TOR1AIP1: variants seen among roughly 807,000 people sequenced by gnomAD.
The protein encoded by TOR1AIP1 is torsin-1A-interacting protein 1.
A neutral mutation model predicts 63.3 loss-of-function variants in TOR1AIP1; 54 were observed. The ratio of observed to expected loss-of-function variants is 0.85; its 90% CI spans 0.69 to 1.07. The LOEUF (loss-of-function observed/expected upper bound fraction) is 1.07, where lower values mean the gene tolerates loss of function less well. Ranked by LOEUF, TOR1AIP1 falls within the 50% of genes least tolerant of loss-of-function variation. The pLI, the probability that TOR1AIP1 is intolerant of heterozygous loss-of-function variation, is 0.00. For synonymous variants in TOR1AIP1, 294 were observed against 273.5 expected (o/e 1.07, Z -0.74); for missense variants, 736 against 715.0 (o/e 1.03, Z -0.33).
In TOR1AIP1 at chr1:179,917,456, G is replaced by T; in HGVS notation, c.969G>T (p.Val323=). The change falls in exon 10 of 10, where the codon GTG becomes GTT. Residue 323 remains valine (V), a synonymous_variant. Coordinates refer to ENST00000606911, the MANE Select transcript of TOR1AIP1 (RefSeq NM_015602.4). ...NQSPSTSSRQ[V]TGQPQNASFV... The stretch of plus-strand genomic sequence containing the variant: ...ATTTCTTTTTTGTCTGAGTAGAAGT[G>T]ACTGGACAACCCCAAAATGCATCTT... The T allele has an allele frequency of 1.9e-6, 3 of 1,610,702 alleles. No individual in the cohort carries two copies. In the South Asian group the frequency reaches 3.3e-5, roughly 18 times the overall value.
In TOR1AIP1 at chr1:179,882,595, G is replaced by A. The variant is rs1261011479; in HGVS notation, c.93G>A (p.Arg31=). The A allele has an allele frequency of 5.2e-6, 8 of 1,525,718 alleles. No homozygotes were observed. Among genetic ancestry groups the A allele is most frequent in the South Asian group, 2.6e-5 (2 of 76,188 alleles). The allele number at this position is 1,525,718 out of a possible 1,614,324, so 94.5% of individuals were successfully genotyped here. The change falls in exon 1 of 10, where the codon CGG becomes CGA. Residue 31 remains arginine (R), a synonymous_variant. Transcript: ENST00000606911. The part of the protein sequence containing the change: ...PRAPIREGRG[R]LAPQNGGSSD... ...CCCCCATCCGAGAGGGAAGGGGCCG[G>A]CTCGCCCCTCAAAATGGCGGCAGCA...
At chr1:179,908,917 G>A (rs1014548803) in intron 8 of TOR1AIP1, among the ~76,000 whole-genome samples, 16 of 152,152 alleles carry the variant, frequency 1.1e-4, no homozygotes, top group African/African-American at 3.6e-4. Flanking sequence ...TGTAATCCCA[G>A]CACTTTGGGA....
Position 179,918,630 on chromosome 1 carries a change from C to T in TOR1AIP1, c.*391C>T, listed in dbSNP as rs1409026883. On this transcript the variant is annotated 3_prime_UTR_variant, in exon 10 of 10. Transcript: ENST00000606911. ...TTCCTGAGTTATTAGTAAGATTGCT[C>T]CCTAAATGTAACCAGGGATTTTCCC... The T allele has an allele frequency of 1.8e-5, 3 of 170,268 alleles. No individual in the cohort carries two copies. The highest frequency in any genetic ancestry group is 3.8e-5 in the Non-Finnish European group (3 of 79,196). The allele number at this position is 170,268 out of a possible 1,614,324, so 10.5% of individuals were successfully genotyped here. A position where few individuals can be genotyped will look rare whatever the true frequency, so the allele number is the denominator to read the frequency against.
Position 179,900,009 on chromosome 1 carries a change from G to A in TOR1AIP1, c.611-117G>A, listed in dbSNP as rs539529164. 1.9e-5 allele frequency: 13 copies of A among 692,812 alleles called. No individual in the cohort carries two copies. In the East Asian group the frequency reaches 2.9e-4, roughly 16 times the overall value. The allele number at this position is 692,812 out of a possible 1,614,324, so 42.9% of individuals were successfully genotyped here. ...TGTCCTCATGTTCATTTTCCTAAAC[G>A]AGATGCTCTTTTATTTATTCCTAAG... On this transcript the variant is annotated intron_variant, in intron 3 of 9. Transcript: ENST00000606911.
chr1:179,893,712 A>G (rs1648178450), intron 3 of TOR1AIP1, among the ~76,000 whole-genome samples: 1 of 151,754 alleles, frequency 6.6e-6, no homozygotes, highest in Admixed American at 6.6e-5. Context: ...AAGTGCTGGG[A>G]TTTACAGGCA....
intron 9 of TOR1AIP1, 25 bp downstream of exon 9, chr1:179,914,079 T>G: frequency 6.2e-7 from 1 of 1,602,726 alleles, no homozygotes; most frequent in East Asian, 2.2e-5. Context: ...TCAGTTTTTA[T>G]TAAATATTTC....
intron 9 of TOR1AIP1, among the ~76,000 whole-genome samples, chr1:179,914,725 C>T (rs1000671558): frequency 6.6e-6 from 1 of 150,402 alleles, no homozygotes; most frequent in South Asian, 2.1e-4. Context: ...ACCCAGGAAG[C>T]GGAGGTTGCA....
At chr1:179,891,270 G>A (rs761290490) in intron 3 of TOR1AIP1, among the ~76,000 whole-genome samples, 1 of 152,164 alleles carries the variant, frequency 6.6e-6, no homozygotes, top group Non-Finnish European at 1.5e-5. Flanking sequence ...CACCCAGGCT[G>A]TAGTACCGTG....
At chr1:179,907,021 G>A (rs1343580191) in intron 6 of TOR1AIP1, among the ~76,000 whole-genome samples, 1 of 151,652 alleles carries the variant, frequency 6.6e-6, no homozygotes, top group East Asian at 2.0e-4. Context: ...ACAGGCATGA[G>A]CCACCGCATC....
intron 3 of TOR1AIP1, among the ~76,000 whole-genome samples, chr1:179,897,694 T>C (rs1171892641): frequency 2.6e-5 from 4 of 152,172 alleles, no homozygotes. Context: ...CACTGAAATA[T>C]AAATGGGACC....
At chr1:179,908,120 G>C (rs1477637489) in intron 7 of TOR1AIP1, among the ~76,000 whole-genome samples, 1 of 151,854 alleles carries the variant, frequency 6.6e-6, no homozygotes, top group Non-Finnish European at 1.5e-5. Context: ...GTGTTAGCCA[G>C]GATGGTCTTG....
intron 8 of TOR1AIP1, among the ~76,000 whole-genome samples, chr1:179,910,883 A>G (rs1047796782): frequency 2.0e-5 from 3 of 152,218 alleles, no homozygotes; most frequent in Admixed American, 6.5e-5. Flanking sequence ...TTCCTCTAAT[A>G]AGACACTGCA....
chr1:179,891,626 C>T (rs1161456102), intron 3 of TOR1AIP1, among the ~76,000 whole-genome samples: 10 of 150,574 alleles, frequency 6.6e-5, no homozygotes, highest in South Asian at 2.1e-4. Context: ...AGTGCAATGG[C>T]GTGATCTTGG....
At position 179,883,021 on chromosome 1, in the gene TOR1AIP1, C is replaced by T. The variant is rs777588969; in HGVS notation, c.475+44C>T. On this transcript the variant is annotated intron_variant, in intron 1 of 9. Coordinates refer to ENST00000606911, the MANE Select transcript of TOR1AIP1 (RefSeq NM_015602.4). ...ACAGTCCCAGCCGCGAGCCAGGGAA[C>T]GCGCGGGGGCGGGCGCGCGCCTCGG... 4.3e-5 allele frequency: 67 copies of T among 1,558,232 alleles called. No individual in the cohort carries two copies. In the African/African-American group the frequency reaches 6.9e-4, roughly 16 times the overall value.
chr1:179,914,792 C>CA (rs568810002), intron 9 of TOR1AIP1, among the ~76,000 whole-genome samples: 918 of 72,108 alleles, frequency 0.013, 6 homozygotes, highest in South Asian at 0.039. Context: ...GACTCTGTCT[C>CA]AAAAAAAAAA....
intron 6 of TOR1AIP1, among the ~76,000 whole-genome samples, chr1:179,905,758 G>A (rs1648612619): frequency 1.3e-5 from 2 of 151,930 alleles, no homozygotes; most frequent in South Asian, 4.2e-4. Flanking sequence ...TTTGAGACCA[G>A]CCTGGCCAAC....
At chr1:179,904,440 C>T (rs1333953328) in intron 6 of TOR1AIP1, among the ~76,000 whole-genome samples, 2 of 152,028 alleles carry the variant, frequency 1.3e-5, no homozygotes, top group African/African-American at 2.4e-5. Context: ...TGATAAAGCA[C>T]ATGTAATAAA....
intron 3 of TOR1AIP1, among the ~76,000 whole-genome samples, chr1:179,890,018 A>G (rs1212904023): frequency 6.6e-6 from 1 of 152,210 alleles, no homozygotes; most frequent in Non-Finnish European, 1.5e-5. Context: ...ATTCATATAT[A>G]AAAAGCTTCC....
chr1:179,913,587 A>G, intron 8 of TOR1AIP1: 2 of 702,340 alleles, frequency 2.8e-6, no homozygotes, highest in Non-Finnish European at 5.2e-6. Flanking sequence ...TCTTTACAGC[A>G]TCTTCACCAG....
Sources: gnomAD v4.1 joint callset for allele counts (sites outside exome capture counted in the v4.1 genomes callset) on GRCh38, gnomAD v4.1.1 for gene constraint, MANE v1.5 for transcripts, NCBI Gene and HGNC (gene_info 2026-07-23, HGNC 2026-07-21) for gene names.